AKR1B10: variants seen among roughly 807,000 people sequenced by gnomAD.
AKR1B10 encodes aldo-keto reductase family 1 member B10.
AKR1B10 carries 39 observed loss-of-function variants against 38.9 expected under a neutral mutation model. That is an observed-to-expected ratio of 1.00 (90% CI 0.78 to 1.31). The LOEUF is 1.31. AKR1B10 is among the 50% of genes most tolerant of loss of function. AKR1B10 has a pLI of 0.00. For synonymous variants in AKR1B10, 148 were observed against 141.2 expected (o/e 1.05, Z -0.34); for missense variants, 361 against 382.6 (o/e 0.94, Z 0.47).
chr7:134,531,846 A>G (rs1807866223), intron 2 of AKR1B10, 62 bp from the exon 3 acceptor site: 2 of 1,586,240 alleles, frequency 1.3e-6, no homozygotes, highest in Non-Finnish European at 1.7e-6. Context: ...AGCAGGGACA[A>G]TGAGTACAAT....
At chr7:134,539,818 C>T (rs527487819) in intron 9 of AKR1B10, among the ~76,000 whole-genome samples, 10 of 152,316 alleles carry the variant, frequency 6.6e-5, no homozygotes, top group African/African-American at 2.4e-4. Flanking sequence ...AATAATGTAT[C>T]TAATTAAATG....
chr7:134,528,307 G>A (rs1807747475), intron 1 of AKR1B10, among the ~76,000 whole-genome samples: 1 of 152,226 alleles, frequency 6.6e-6, no homozygotes. Context: ...AGTCTTGGCT[G>A]TGGGTTTGTT....
At chr7:134,529,405 A>C in intron 1 of AKR1B10, among the ~76,000 whole-genome samples, 1 of 152,084 alleles carries the variant, frequency 6.6e-6, no homozygotes, top group Non-Finnish European at 1.5e-5. Context: ...GAATCTACTC[A>C]CCCTGGGTGA....
At chr7:134,529,886 T>G (rs1807803766) in intron 1 of AKR1B10, among the ~76,000 whole-genome samples, 2 of 152,078 alleles carry the variant, frequency 1.3e-5, no homozygotes, top group African/African-American at 4.8e-5. Flanking sequence ...TCTATTCCTA[T>G]AAGGTTTTCT....
rs757932541 is a variant in AKR1B10, at chr7:134,538,208, C to G, written c.756C>G (p.Phe252Leu). ...TTTCCGCATAGGTTCTGATCCGTTT[C>G]CATATCCAGAGGAATGTGATTGTCA... ...KKTAAQVLIRFHIQRNVIVIP... is the reference protein window; with the variant it reads ...KKTAAQVLIRLHIQRNVIVIP... The change falls in exon 8 of 10, where the codon TTC (phenylalanine) becomes TTG (leucine). Residue 252 changes from phenylalanine to leucine, a missense_variant. Coordinates refer to ENST00000359579, the MANE Select transcript of AKR1B10 (RefSeq NM_020299.5). 1.9e-6 allele frequency: 3 copies of G among 1,614,046 alleles called. No homozygotes were observed. The Admixed American group carries it at 5.0e-5, about 27-fold the overall frequency.
chr7:134,540,898 T>G (rs999979810), intron 9 of AKR1B10, 149 bp from the exon 10 acceptor site: 12 of 646,178 alleles, frequency 1.9e-5, no homozygotes, highest in African/African-American at 1.7e-4. Context: ...AAGGTCAAAG[T>G]GTGGGCACCC....
chr7:134,528,028 T>A, intron 1 of AKR1B10, 51 bp downstream of exon 1: 1 of 1,602,516 alleles, frequency 6.2e-7, no homozygotes. Flanking sequence ...GGCGTTTGGG[T>A]GTTTTCTCTT....
In AKR1B10 at chr7:134,530,660, G is replaced by T; in HGVS notation, c.84G>T (p.Val28=). Residue 28 remains valine (V), a synonymous_variant, in exon 2 of 10, where the codon GTG becomes GTT. Transcript: ENST00000359579. ...LGTWKSPLGK[V]KEAVKVAIDA... is the part of the protein sequence containing the mutation. ...CCTTTCAGTCTCCTCTTGGCAAAGT[G>T]AAAGAAGCAGTGAAGGTGGCCATTG... 6.2e-7 allele frequency: 1 copy of T among 1,614,060 alleles called. No homozygotes were observed. The highest frequency in any genetic ancestry group is 8.5e-7 in the Non-Finnish European group (1 of 1,179,930).
chr7:134,529,757 A>C (rs1420540818), intron 1 of AKR1B10, among the ~76,000 whole-genome samples: 2 of 152,126 alleles, frequency 1.3e-5, no homozygotes, highest in Non-Finnish European at 2.9e-5. Flanking sequence ...AAAATGTGAT[A>C]ATTCTATTTC....
chr7:134,540,307 G>A (rs1476868710), intron 9 of AKR1B10, among the ~76,000 whole-genome samples: 1 of 152,138 alleles, frequency 6.6e-6, no homozygotes, highest in African/African-American at 2.4e-5. Flanking sequence ...TATCATAGGA[G>A]CCTTTCCTCA....
intron 6 of AKR1B10, 38 bp downstream of exon 6, chr7:134,537,195 C>T (rs751931453): frequency 6.4e-7 from 1 of 1,553,244 alleles, no homozygotes; most frequent in African/African-American, 1.4e-5. Context: ...TCTTGATAAT[C>T]TTAAAAACAT....
chr7:134,535,050 C>T (rs1232801743), intron 4 of AKR1B10, among the ~76,000 whole-genome samples: 2 of 151,904 alleles, frequency 1.3e-5, no homozygotes, highest in Admixed American at 6.6e-5. Context: ...ACAATGGCAT[C>T]ATCATAGTTT....
At chr7:134,533,361 CAGG>C (rs2117543456) in intron 4 of AKR1B10, among the ~76,000 whole-genome samples, 1 of 152,288 alleles carries the variant, frequency 6.6e-6, no homozygotes, top group African/African-American at 2.4e-5. Flanking sequence ...GCATTTGGAA[CAGG>C]AGGTTTGGGC....
chr7:134,535,476 G>A, intron 4 of AKR1B10: 4 of 423,284 alleles, frequency 9.4e-6, no homozygotes, highest in Non-Finnish European at 1.3e-5. Flanking sequence ...AGCCAAAGTT[G>A]AGAAGGGCTG....
In AKR1B10 at chr7:134,539,020, A is replaced by G. The variant is rs1332278705; in HGVS notation, c.908+3A>G. On this transcript the variant is annotated splice_donor_region_variant and intron_variant, in intron 9 of 9. Transcript: ENST00000359579. ...TGGAGGGCCTGTAACGTGTTGCAGT[A>G]AGTGGCATGGAGTTAACTAGAAGCA... 6.2e-7 allele frequency: 1 copy of G among 1,614,100 alleles called. No homozygotes were observed. Among genetic ancestry groups the G allele is most frequent in the Admixed American group, 1.7e-5 (1 of 60,032 alleles).
At chr7:134,536,887 A>C (rs1262374356) in intron 5 of AKR1B10, 115 bp downstream of exon 5, 12 of 1,576,940 alleles carry the variant, frequency 7.6e-6, no homozygotes, top group Non-Finnish European at 1.0e-5. Context: ...TGATCAGGAC[A>C]CTTTGGGGAG....
chr7:134,529,966 T>C (rs1807805192), intron 1 of AKR1B10, among the ~76,000 whole-genome samples: 1 of 152,166 alleles, frequency 6.6e-6, no homozygotes, highest in South Asian at 2.1e-4. Context: ...GTGTGTCAGG[T>C]AATGTGCAAA....
intron 9 of AKR1B10, 84 bp downstream of exon 9, chr7:134,539,101 C>T (rs1473663419): frequency 6.5e-7 from 1 of 1,528,052 alleles, no homozygotes; most frequent in South Asian, 1.1e-5. Flanking sequence ...TGGAAGGCTG[C>T]TGGGACTACT....
chr7:134,531,227 G>A lies in AKR1B10; in HGVS notation c.234+417G>A, dbSNP rs575504377. Among the ~76,000 whole-genome samples the A allele has an allele frequency of 3.3e-5, 5 of 152,194 alleles. No homozygotes were observed. In the South Asian group the frequency reaches 6.2e-4, roughly 19 times the overall value. On this transcript the variant is annotated intron_variant, in intron 2 of 9. Transcript: ENST00000359579. ...AGGGGGAATTTTAGAAAATGGTAGG[G>A]GCATTTTTCTATTGTCACATATGAA...
Sources: gnomAD v4.1 joint callset for allele counts (sites outside exome capture counted in the v4.1 genomes callset) on GRCh38, gnomAD v4.1.1 for gene constraint, MANE v1.5 for transcripts, NCBI Gene and HGNC (gene_info 2026-07-23, HGNC 2026-07-21) for gene names.